The following FBXO16 variants were observed in gnomAD, a reference collection of about 807,000 sequenced individuals.
FBXO16 encodes F-box protein 16.
A neutral mutation model predicts 41.0 loss-of-function variants in FBXO16; 31 were observed. The observed-to-expected ratio is 0.76, with a 90% confidence interval of 0.57 to 1.02. FBXO16 has a LOEUF of 1.02. Ranked by LOEUF, FBXO16 falls within the 50% of genes least tolerant of loss-of-function variation. The probability of loss-of-function intolerance (pLI) is 0.00; values close to 1 mark genes in which losing one functional copy is unlikely to be tolerated. For synonymous variants in FBXO16, 133 were observed against 117.8 expected (o/e 1.13, Z -0.84); for missense variants, 361 against 346.2 (o/e 1.04, Z -0.34).
intron 7 of FBXO16, among the ~76,000 whole-genome samples, chr8:28,431,015 A>G (rs1394800055): frequency 1.3e-5 from 2 of 152,196 alleles, no homozygotes; most frequent in African/African-American, 4.8e-5. Context: ...TGTTAAATGA[A>G]GAAAAGGCCT....
intron 4 of FBXO16, among the ~76,000 whole-genome samples, chr8:28,463,252 GTGTT>G (rs1226493822): frequency 2.6e-5 from 4 of 151,622 alleles, no homozygotes; most frequent in Non-Finnish European, 4.4e-5. Flanking sequence ...ACACGTTTGT[GTGTT>G]TGTGCGTGTA....
chr8:28,463,488 TTGTG>T (rs1410075679), intron 4 of FBXO16, 120 bp downstream of exon 4: 7 of 899,252 alleles, frequency 7.8e-6, no homozygotes, highest in African/African-American at 1.7e-5. Context: ...TTGTGTGTGT[TTGTG>T]TGTATGTGTA....
rs554923625 is a variant in FBXO16, at chr8:28,432,342, C to G, written c.844-2939G>C. On this transcript the variant is annotated intron_variant, in intron 7 of 8. Coordinates refer to ENST00000380254, the MANE Select transcript of FBXO16 (RefSeq NM_172366.4). ...TACAAAAATTAGCGGGGCGTGGTGG[C>G]GGGTGCCTGTAATCCCAGCTACTCA... Among the ~76,000 whole-genome samples, 12 of 151,740 alleles carry G rather than the reference C, an allele frequency of 7.9e-5. No individual in the cohort carries two copies. In the South Asian group the frequency reaches 2.5e-3, roughly 32 times the overall value.
chr8:28,484,303 C>T (rs1803566126), intron 1 of FBXO16, among the ~76,000 whole-genome samples: 1 of 152,120 alleles, frequency 6.6e-6, no homozygotes, highest in African/African-American at 2.4e-5. Flanking sequence ...TGCCTGACAG[C>T]GTATTGAAGA....
At chr8:28,474,403 GT>G (rs909252261) in intron 2 of FBXO16, among the ~76,000 whole-genome samples, 2 of 134,982 alleles carry the variant, frequency 1.5e-5, no homozygotes, top group Non-Finnish European at 3.2e-5. Context: ...AGAAAAAATA[GT>G]TTTTTTAAAG....
At chr8:28,463,872 C>T in intron 3 of FBXO16, 54 bp from the exon 4 acceptor site, 2 of 1,523,768 alleles carry the variant, frequency 1.3e-6, no homozygotes, top group Non-Finnish European at 1.8e-6. Context: ...AGTCTGATAG[C>T]AGATTCATTA....
intron 7 of FBXO16, among the ~76,000 whole-genome samples, chr8:28,429,748 T>C (rs1318306880): frequency 6.6e-6 from 1 of 152,194 alleles, no homozygotes; most frequent in Non-Finnish European, 1.5e-5. Context: ...GACTCATCAA[T>C]GATATCCGCC....
chr8:28,439,462 G>T (rs1401240723), intron 7 of FBXO16, among the ~76,000 whole-genome samples: 1 of 152,134 alleles, frequency 6.6e-6, no homozygotes, highest in African/African-American at 2.4e-5. Flanking sequence ...ACCCGGCCGT[G>T]CACAGTGGCT....
At chr8:28,485,203 T>C (rs1361136642) in intron 1 of FBXO16, among the ~76,000 whole-genome samples, 2 of 152,134 alleles carry the variant, frequency 1.3e-5, no homozygotes, top group African/African-American at 4.8e-5. Flanking sequence ...GAAGGAGTCT[T>C]GCCCTGTTTC....
At position 28,484,426 on chromosome 8, in the gene FBXO16, A is replaced by C. The variant is rs1489298738; in HGVS notation, c.-16-964T>G. On this transcript the variant is annotated intron_variant, in intron 1 of 8. Transcript: ENST00000380254. The stretch of plus-strand genomic sequence containing the variant: ...AGTATATGTCTGCCTCCTTTTGATT[A>C]AAGCACTTTAATTTTCAGGAGGAAT... Among the ~76,000 whole-genome samples, 4 of 152,206 alleles carry C rather than the reference A, an allele frequency of 2.6e-5. No individual in the cohort carries two copies. The East Asian group carries it at 7.7e-4, about 29-fold the overall frequency.
chr8:28,429,475 GGAGA>G (rs1802576195), intron 7 of FBXO16, 72 bp from the exon 8 acceptor site: 2 of 1,573,378 alleles, frequency 1.3e-6, no homozygotes, highest in South Asian at 1.1e-5. Flanking sequence ...GAGCTTGAAG[GGAGA>G]GAGAGTGAGG....
intron 2 of FBXO16, among the ~76,000 whole-genome samples, chr8:28,478,821 C>CA (rs35959759): frequency 0.033 from 3,940 of 117,734 alleles, 79 homozygotes; most frequent in Non-Finnish European, 0.053. Context: ...ATTCTGTCTC[C>CA]AAAAAAAAAA....
rs111389412 is a variant in FBXO16 at position 28,482,052 on chromosome 8, G to C, written c.99+1296C>G. Among the ~76,000 whole-genome samples, 237 of 152,270 alleles carry C rather than the reference G, an allele frequency of 1.6e-3. 1 individual carries two copies. The highest frequency in any genetic ancestry group is 5.3e-3 in the African/African-American group (219 of 41,558). On this transcript the variant is annotated intron_variant, in intron 2 of 8. Transcript: ENST00000380254. ...CTGGGCCCTATGTGTCACACCTGTGGGACGGGGAGGACCAGCAGAACCCAC... is the reference window on the plus strand; with the variant it reads ...CTGGGCCCTATGTGTCACACCTGTGCGACGGGGAGGACCAGCAGAACCCAC...
chr8:28,473,858 T>C (rs1386509475), intron 2 of FBXO16, 51 bp from the exon 3 acceptor site: 2 of 1,335,784 alleles, frequency 1.5e-6, no homozygotes, highest in Admixed American at 1.9e-5. Flanking sequence ...TAGTTCAAAA[T>C]ACCCATTACA....
chr8:28,428,586 G>A lies in FBXO16; in HGVS notation c.*141C>T. On this transcript the variant is annotated 3_prime_UTR_variant, in exon 9 of 9. Coordinates refer to ENST00000380254, the MANE Select transcript of FBXO16 (RefSeq NM_172366.4). ...TCAGTCCACTTTGGCTCTGGAACCT[G>A]GATGAGTCATGCTTGGGGCCCAGGG... is the stretch of plus-strand genomic sequence containing the variant. 3 of 1,550,990 alleles carry A rather than the reference G, an allele frequency of 1.9e-6. No individual in the cohort carries two copies. Among genetic ancestry groups the A allele is most frequent in the East Asian group, 2.4e-5 (1 of 40,884 alleles).
intron 7 of FBXO16, among the ~76,000 whole-genome samples, chr8:28,442,037 G>A (rs1481494973): frequency 9.4e-5 from 14 of 148,566 alleles, no homozygotes; most frequent in Admixed American, 6.1e-4. Context: ...TCTGCCTCCC[G>A]GGTTAAAGCG....
At chr8:28,460,245 ATTTTT>A (rs34429050) in intron 4 of FBXO16, among the ~76,000 whole-genome samples, 61 of 85,426 alleles carry the variant, frequency 7.1e-4, no homozygotes, top group African/African-American at 3.5e-3. Context: ...ATATATATAT[ATTTTT>A]TTTTTTTTTT....
intron 7 of FBXO16, among the ~76,000 whole-genome samples, chr8:28,436,252 C>T (rs1261055336): frequency 1.3e-5 from 2 of 152,110 alleles, no homozygotes; most frequent in South Asian, 2.1e-4. Flanking sequence ...GGGGAAGGAC[C>T]CCTGCTGTCT....
chr8:28,480,751 C>A (rs762135165), intron 2 of FBXO16, among the ~76,000 whole-genome samples: 2 of 152,020 alleles, frequency 1.3e-5, no homozygotes, highest in African/African-American at 4.8e-5. Flanking sequence ...GTGATCCACT[C>A]GCCTTGGCCT....
Sources: gnomAD v4.1 joint callset for allele counts (sites outside exome capture counted in the v4.1 genomes callset) on GRCh38, gnomAD v4.1.1 for gene constraint, MANE v1.5 for transcripts, NCBI Gene and HGNC (gene_info 2026-07-23, HGNC 2026-07-21) for gene names.